The following ADK variants were observed in gnomAD, a reference collection of about 807,000 sequenced individuals.
ADK encodes the protein N6,N6-dimethyladenosine kinase.
In ADK, 24 loss-of-function variants were observed where a neutral mutation model predicts 44.7. That is an observed-to-expected ratio of 0.54 (90% CI 0.39 to 0.76). ADK has a LOEUF of 0.76. Among genes scored for constraint, ADK ranks in the 30% least tolerant of loss-of-function variants. ADK has a pLI of 0.00. For synonymous variants in ADK, 128 were observed against 142.6 expected (o/e 0.90, Z 0.73); for missense variants, 321 against 425.1 (o/e 0.76, Z 2.15).
intron 8 of ADK, among the ~76,000 whole-genome samples, chr10:74,593,269 G>A (rs536462585): frequency 6.6e-6 from 1 of 152,242 alleles, no homozygotes; most frequent in East Asian, 1.9e-4. Flanking sequence ...AAAGCAATAA[G>A]CTAGTCTTCT....
intron 9 of ADK, among the ~76,000 whole-genome samples, chr10:74,604,878 G>A (rs1219335663): frequency 1.3e-5 from 2 of 152,200 alleles, no homozygotes; most frequent in East Asian, 3.8e-4. Context: ...CTATCCGTGA[G>A]CATGGAATGG....
chr10:74,382,344 C>T (rs1356349628), intron 4 of ADK, among the ~76,000 whole-genome samples: 4 of 152,166 alleles, frequency 2.6e-5, no homozygotes, highest in African/African-American at 7.2e-5. Flanking sequence ...AGCCATCTGC[C>T]GGCCTCAGCC....
intron 4 of ADK, among the ~76,000 whole-genome samples, chr10:74,381,218 CAA>C (rs982437296): frequency 6.6e-6 from 1 of 151,990 alleles, no homozygotes; most frequent in Admixed American, 6.6e-5. Context: ...AAATCATAGC[CAA>C]AAGAGTGTAC....
intron 4 of ADK, among the ~76,000 whole-genome samples, chr10:74,319,403 G>T (rs952336157): frequency 1.1e-4 from 17 of 152,116 alleles, no homozygotes; most frequent in African/African-American, 2.4e-4. Context: ...GCCTCTTTGC[G>T]TGGTGGTTTC....
At chr10:74,340,007 G>T (rs893418584) in intron 4 of ADK, among the ~76,000 whole-genome samples, 1 of 152,174 alleles carries the variant, frequency 6.6e-6, no homozygotes, top group South Asian at 2.1e-4. Flanking sequence ...TCTTGTTTGT[G>T]CTGCTCTTTA....
At chr10:74,280,415 AACACACAC>A (rs71021599) in intron 3 of ADK, among the ~76,000 whole-genome samples, 2 of 144,342 alleles carry the variant, frequency 1.4e-5, no homozygotes, top group Admixed American at 7.0e-5. Context: ...AACAAGTTTA[AACACACAC>A]ACACACACAC....
At chr10:74,282,937 G>T (rs1016599058) in intron 3 of ADK, among the ~76,000 whole-genome samples, 2 of 152,162 alleles carry the variant, frequency 1.3e-5, no homozygotes, top group Non-Finnish European at 2.9e-5. Context: ...AATACCATGA[G>T]AGTAGTTGTT....
chr10:74,210,351 A>AG (rs1843769414), intron 2 of ADK, among the ~76,000 whole-genome samples: 1 of 150,430 alleles, frequency 6.6e-6, no homozygotes, highest in Non-Finnish European at 1.5e-5. Context: ...AAAAAAAAAA[A>AG]TAGAAAATAC....
At chr10:74,299,442 G>T (rs1422919320) in intron 3 of ADK, among the ~76,000 whole-genome samples, 1 of 148,698 alleles carries the variant, frequency 6.7e-6, no homozygotes, top group Non-Finnish European at 1.5e-5. Flanking sequence ...GGAGGATACA[G>T]TGAGCTGAGA....
At chr10:74,261,774 C>A (rs1564622326) in intron 3 of ADK, among the ~76,000 whole-genome samples, 1 of 151,728 alleles carries the variant, frequency 6.6e-6, no homozygotes, top group South Asian at 2.1e-4. Flanking sequence ...TCTCTTTGGA[C>A]ATTCTTAGAA....
intron 9 of ADK, among the ~76,000 whole-genome samples, chr10:74,619,936 G>A (rs564632906): frequency 1.3e-5 from 2 of 152,178 alleles, no homozygotes; most frequent in South Asian, 4.2e-4. Flanking sequence ...TGCCCAGGCT[G>A]GTCTCAAACT....
chr10:74,371,527 T>C, intron 4 of ADK: 1 of 925,476 alleles, frequency 1.1e-6, no homozygotes, highest in South Asian at 1.4e-5. Context: ...AAAGCGAAAC[T>C]TTTCACCATG....
intron 7 of ADK, among the ~76,000 whole-genome samples, chr10:74,546,325 A>G (rs980516020): frequency 1.3e-5 from 2 of 152,184 alleles, no homozygotes; most frequent in African/African-American, 4.8e-5. Context: ...ACTTAATGTG[A>G]TTTCAATGCA....
chr10:74,619,961 A>G (rs1012797459), intron 9 of ADK, among the ~76,000 whole-genome samples: 1 of 152,006 alleles, frequency 6.6e-6, no homozygotes, highest in Admixed American at 6.6e-5. Context: ...AGCTTAAACG[A>G]TCCTCTCACC....
chr10:74,338,356 G>A (rs1454470914), intron 4 of ADK, among the ~76,000 whole-genome samples: 2 of 152,058 alleles, frequency 1.3e-5, no homozygotes, highest in South Asian at 2.1e-4. Flanking sequence ...AAACAGTTTG[G>A]CATTTTTAAT....
intron 3 of ADK, among the ~76,000 whole-genome samples, chr10:74,234,796 G>A (rs1844899217): frequency 6.6e-6 from 1 of 152,010 alleles, no homozygotes; most frequent in Non-Finnish European, 1.5e-5. Context: ...ATTGCAACTG[G>A]ACTTTTTCAA....
intron 1 of ADK, among the ~76,000 whole-genome samples, chr10:74,193,212 A>T (rs11000915): frequency 0.064 from 9,673 of 152,024 alleles, 369 homozygotes; most frequent in Middle Eastern, 0.14. Flanking sequence ...TAGTGTCTTA[A>T]TATAGCCACT....
chr10:74,464,978 T>C (rs905887103), intron 6 of ADK, among the ~76,000 whole-genome samples: 1 of 152,238 alleles, frequency 6.6e-6, no homozygotes, highest in African/African-American at 2.4e-5. Context: ...GGTGAATTTA[T>C]AGCAGCGACC....
At chr10:74,662,211 G>A (rs1002201083) in intron 9 of ADK, among the ~76,000 whole-genome samples, 2 of 152,086 alleles carry the variant, frequency 1.3e-5, no homozygotes, top group Non-Finnish European at 2.9e-5. Context: ...AGGATTCTTG[G>A]TAAGTAGCGT....
Sources: allele counts gnomAD v4.1 joint callset (sites outside exome capture counted in the v4.1 genomes callset), GRCh38; gene constraint gnomAD v4.1.1; transcripts MANE v1.5; gene names NCBI Gene and HGNC (gene_info 2026-07-23, HGNC 2026-07-21).